The following ABCA5 variants were observed in gnomAD, a reference collection of about 807,000 sequenced individuals.
ABCA5 encodes the protein ATP binding cassette subfamily A member 5.
In ABCA5, 163 loss-of-function variants were observed where a neutral mutation model predicts 206.0. The observed-to-expected ratio is 0.79, with a 90% confidence interval of 0.70 to 0.90. The LOEUF (loss-of-function observed/expected upper bound fraction) is 0.90, where lower values mean the gene tolerates loss of function less well. Among genes scored for constraint, ABCA5 ranks in the 40% least tolerant of loss-of-function variants. The pLI is 0.00. For synonymous variants in ABCA5, 609 were observed against 613.8 expected, an observed-to-expected ratio of 0.99 and a Z score of 0.11; for missense variants, 1,859 against 1,912.9, an observed-to-expected ratio of 0.97 and a Z score of 0.53.
intron 19 of ABCA5, among the ~76,000 whole-genome samples, chr17:69,275,387 G>A (rs1180869091): frequency 6.6e-6 from 1 of 152,064 alleles, no homozygotes; most frequent in African/African-American, 2.4e-5. Flanking sequence ...CTAACAAGCA[G>A]TTGGAGAGCT....
chr17:69,283,972 T>C lies in ABCA5; in HGVS notation c.2373A>G (p.Glu791=). ...LEDVFLKLEV[E]AEIDQADYSV... ...TTTTACCTGCTTGGTCAATTTCTGC[T>C]TCAACTTCTAGCTTTAAAAATACGT... The change falls in exon 18 of 39, where the codon GAA becomes GAG. Residue 791 remains glutamate (E), a synonymous_variant. Transcript: ENST00000392676. The C allele has an allele frequency of 6.2e-7, 1 of 1,607,750 alleles. No individual in the cohort carries two copies. The highest frequency in any genetic ancestry group is 1.3e-5 in the African/African-American group (1 of 74,754).
At position 69,264,881 on chromosome 17, in the gene ABCA5, G is replaced by A; in HGVS notation, c.3169C>T (p.Leu1057Phe). The change falls in exon 24 of 39, where the codon CTT (leucine) becomes TTT (phenylalanine). Residue 1057 changes from leucine to phenylalanine, a missense_variant. Leu to Phe is a conservative substitution (Grantham distance 22). Coordinates refer to ENST00000392676, the MANE Select transcript of ABCA5 (RefSeq NM_172232.4). ...TATGCAGATGGCAAAAGACCTGAAAGTTTAAGTTGAGTATAAGCTTTGATC... is the reference window on the plus strand; with the variant it reads ...TATGCAGATGGCAAAAGACCTGAAAATTTAAGTTGAGTATAAGCTTTGATC... ...HKIKAYTQLK[L>F]SGLLPSAYWI... 6.4e-7 allele frequency: 1 copy of A among 1,550,822 alleles called. No individual in the cohort carries two copies. Among genetic ancestry groups the A allele is most frequent in the East Asian group, 2.3e-5 (1 of 42,560 alleles).
chr17:69,320,944 C>A (rs1241089981), intron 1 of ABCA5, among the ~76,000 whole-genome samples: 2 of 151,952 alleles, frequency 1.3e-5, no homozygotes, highest in African/African-American at 4.8e-5. Flanking sequence ...CATTGTCTCT[C>A]GACAATTGGT....
chr17:69,249,679 G>A, intron 37 of ABCA5: 1 of 501,592 alleles, frequency 2.0e-6, no homozygotes, highest in Non-Finnish European at 3.5e-6. Context: ...GTTTACCTGT[G>A]TCTTAGATTA....
intron 1 of ABCA5, among the ~76,000 whole-genome samples, chr17:69,319,818 G>A: frequency 6.6e-6 from 1 of 152,086 alleles, no homozygotes; most frequent in East Asian, 1.9e-4. Flanking sequence ...TTGCAAAAAA[G>A]CATCTTAACC....
rs2074963652 is a variant in ABCA5, at chr17:69,247,471, T to C, written c.*66A>G. 8.2e-7 allele frequency: 1 copy of C among 1,215,612 alleles called. No individual in the cohort carries two copies. The highest frequency in any genetic ancestry group is 1.4e-5 in the South Asian group (1 of 69,638). The allele number at this position is 1,215,612 out of a possible 1,614,324, so 75.3% of individuals were successfully genotyped here. On this transcript the variant is annotated 3_prime_UTR_variant, in exon 39 of 39. Transcript: ENST00000392676. ...AGTTACCATTCCAATAAAAAACTTT[T>C]TAAACCAAAGTTAAAATTAAGTGAA... is the stretch of plus-strand genomic sequence containing the variant.
At chr17:69,252,107 G>T (rs979947845) in intron 34 of ABCA5, among the ~76,000 whole-genome samples, 6 of 151,476 alleles carry the variant, frequency 4.0e-5, no homozygotes, top group Non-Finnish European at 7.4e-5. Context: ...CACCTCCCAG[G>T]TTCACACCAT....
intron 8 of ABCA5, 145 bp downstream of exon 8, chr17:69,302,573 T>C: frequency 2.2e-6 from 1 of 459,638 alleles, no homozygotes; most frequent in Non-Finnish European, 3.6e-6. Flanking sequence ...AGATATAAAA[T>C]ATACTCTAGA....
chr17:69,301,384 TAACC>T (rs2075651186), intron 8 of ABCA5, 98 bp from the exon 9 acceptor site: 2 of 919,774 alleles, frequency 2.2e-6, no homozygotes, highest in South Asian at 2.3e-5. Flanking sequence ...AGAGTGATAG[TAACC>T]AACTGGGCCT....
chr17:69,255,776 T>A lies in ABCA5; in HGVS notation c.3933A>T (p.Val1311=). The change falls in exon 30 of 39, where the codon GTA becomes GTT. Residue 1311 remains valine (V), a synonymous_variant. Transcript: ENST00000392676. ...AGATGTATTTAGTTGCCACTTTCTT[T>A]ACTTTTCTTGAAAGAAGAAAATCTT... is the stretch of plus-strand genomic sequence containing the variant. ...DKKDFLLSRK[V]KKVATKYISF... is the part of the protein sequence containing the mutation. 1.3e-6 allele frequency: 2 copies of A among 1,599,336 alleles called. No homozygotes were observed.
intron 17 of ABCA5, among the ~76,000 whole-genome samples, chr17:69,284,722 T>C (rs560012553): frequency 1.3e-5 from 2 of 152,202 alleles, no homozygotes. Context: ...TTCTCATATT[T>C]GTTTCTGTAT....
rs761170658 is a variant in ABCA5, at chr17:69,289,962, C to G, written c.1682G>C (p.Cys561Ser). 1.2e-6 allele frequency: 2 copies of G among 1,612,434 alleles called. No individual in the cohort carries two copies. Among genetic ancestry groups the G allele is most frequent in the Non-Finnish European group, 1.7e-6 (2 of 1,179,274 alleles). Residue 561 changes from cysteine (C) to serine (S), a missense_variant, in exon 13 of 39, where the codon TGT (cysteine) becomes TCT (serine). Coordinates refer to ENST00000392676, the MANE Select transcript of ABCA5 (RefSeq NM_172232.4). Reference sequence around the variant, plus strand: ...ATCAAAGTGTATATCTAACTGTGGACAAATGCCAATCATTTTTCTTGCTTC... The same window carrying G: ...ATCAAAGTGTATATCTAACTGTGGAGAAATGCCAATCATTTTTCTTGCTTC... The part of the protein sequence containing the change: ...MFEARKMIGI[C>S]PQLDIHFDVL...
intron 17 of ABCA5, 93 bp downstream of exon 17, chr17:69,285,805 T>C (rs1332323910): frequency 2.5e-5 from 34 of 1,340,622 alleles, no homozygotes; most frequent in Non-Finnish European, 3.3e-5. Flanking sequence ...ATGGCAATAC[T>C]ACATGGAGAA....
Position 69,297,330 on chromosome 17 carries a change from A to G in ABCA5, c.1297T>C (p.Tyr433His). 6.2e-7 allele frequency: 1 copy of G among 1,604,844 alleles called. No individual in the cohort carries two copies. The change falls in exon 10 of 39, where the codon TAT (tyrosine) becomes CAT (histidine). Residue 433 changes from tyrosine (Y) to histidine (H), a missense_variant. Transcript: ENST00000392676. ...GACCAATATGAAGGCTTCAGAAAATATAAAGATGATCTCCGTAAGCCAAAT... is the reference window on the plus strand; with the variant it reads ...GACCAATATGAAGGCTTCAGAAAATGTAAAGATGATCTCCGTAAGCCAAAT... ...GEFGLRRSSL[Y>H]FLKPSYWSKS...
chr17:69,308,462 T>A, intron 4 of ABCA5, 94 bp from the exon 5 acceptor site: 1 of 775,098 alleles, frequency 1.3e-6, no homozygotes, highest in Non-Finnish European at 2.2e-6. Flanking sequence ...ACCAAAACAA[T>A]ATAATCAATC....
chr17:69,271,307 G>A lies in ABCA5; in HGVS notation c.2765-18C>T. 6.3e-7 allele frequency: 1 copy of A among 1,594,644 alleles called. No homozygotes were observed. Among genetic ancestry groups the A allele is most frequent in the Admixed American group, 1.8e-5 (1 of 55,174 alleles). The stretch of plus-strand genomic sequence containing the variant: ...ATCTGAGTCTGGTGTTAGAAAATAA[G>A]CAAATAATAAAAAATGAGTCTAAAC... On this transcript the variant is annotated intron_variant, in intron 20 of 38. Transcript: ENST00000392676.
intron 1 of ABCA5, among the ~76,000 whole-genome samples, chr17:69,321,935 T>A (rs1448801916): frequency 6.6e-6 from 1 of 152,192 alleles, no homozygotes; most frequent in Non-Finnish European, 1.5e-5. Context: ...AAATAATTTA[T>A]ACTAAATCCA....
At position 69,264,815 on chromosome 17, in the gene ABCA5, TA is replaced by T; in HGVS notation, c.3234del (p.Phe1078LeufsTer6). ...CTTCCTAGCATCAAAATAAGAATGATAAAAAATAAGGGGATATCAACAACAG... is the reference window on the plus strand; with the variant it reads ...CTTCCTAGCATCAAAATAAGAATGATAAAAATAAGGGGATATCAACAACAG... ...GQAVVDIPLF[F>X]IILILMLGSL... On this transcript the variant is annotated frameshift_variant, in exon 24 of 39. Transcript: ENST00000392676. LOFTEE classifies it high-confidence loss of function. The T allele has an allele frequency of 6.2e-7, 1 of 1,600,346 alleles. No homozygotes were observed. Among genetic ancestry groups the T allele is most frequent in the Non-Finnish European group, 8.5e-7 (1 of 1,173,642 alleles).
intron 18 of ABCA5, among the ~76,000 whole-genome samples, chr17:69,282,879 G>A (rs1057073794): frequency 2.0e-5 from 3 of 151,170 alleles, no homozygotes; most frequent in Non-Finnish European, 4.4e-5. Context: ...CAAAAGCTTA[G>A]GAATTATTCT....
Sources: allele counts gnomAD v4.1 joint callset (sites outside exome capture counted in the v4.1 genomes callset), GRCh38; gene constraint gnomAD v4.1.1; transcripts MANE v1.5; gene names NCBI Gene and HGNC (gene_info 2026-07-23, HGNC 2026-07-21).